Variants in GNB1 observed in about 807,000 individuals in gnomAD.
GNB1 encodes the protein guanine nucleotide-binding protein G(I)/G(S)/G(T) subunit beta-1.
Under a neutral mutation model 42.9 loss-of-function variants are expected in GNB1, and 2 were observed. That is an observed-to-expected ratio of 0.05 (90% CI 0.02 to 0.15). The LOEUF (loss-of-function observed/expected upper bound fraction) is 0.15, where lower values mean the gene tolerates loss of function less well. Ranked by LOEUF, GNB1 falls within the 10% of genes least tolerant of loss-of-function variation. The pLI, the probability that GNB1 is intolerant of heterozygous loss-of-function variation, is 1.00. For missense variants in GNB1, 193 were observed against 462.2 expected (o/e 0.42, Z 5.34); for synonymous variants, 183 against 174.7 (o/e 1.05, Z -0.38).
At chr1:1,799,243 ATG>A (rs1178878287) in intron 7 of GNB1, among the ~76,000 whole-genome samples, 1 of 152,164 alleles carries the variant, frequency 6.6e-6, no homozygotes, top group Non-Finnish European at 1.5e-5. Flanking sequence ...AAGAGGCCAA[ATG>A]TGTGTGTGTG....
intron 2 of GNB1, among the ~76,000 whole-genome samples, chr1:1,834,282 T>G (rs1647115343): frequency 6.6e-6 from 1 of 152,144 alleles, no homozygotes; most frequent in African/African-American, 2.4e-5. Context: ...CCTCTGACCC[T>G]TGGAACTCTG....
chr1:1,815,521 AT>A (rs1414821972), intron 5 of GNB1, among the ~76,000 whole-genome samples: 1 of 152,250 alleles, frequency 6.6e-6, no homozygotes, highest in Non-Finnish European at 1.5e-5. Flanking sequence ...CAGAACTTGT[AT>A]TAATGTGATT....
intron 1 of GNB1, among the ~76,000 whole-genome samples, chr1:1,867,099 T>G (rs191048614): frequency 6.6e-6 from 1 of 152,086 alleles, no homozygotes; most frequent in East Asian, 1.9e-4. Context: ...AAACCCCATC[T>G]CTATTAAAAA....
chr1:1,845,197 ATACTC>A (rs2101348009), intron 1 of GNB1, among the ~76,000 whole-genome samples: 1 of 152,366 alleles, frequency 6.6e-6, no homozygotes, highest in African/African-American at 2.4e-5. Context: ...TTAATTTAGA[ATACTC>A]TAACTGTACA....
At chr1:1,846,032 G>T (rs1647643834) in intron 1 of GNB1, among the ~76,000 whole-genome samples, 1 of 152,002 alleles carries the variant, frequency 6.6e-6, no homozygotes, top group Non-Finnish European at 1.5e-5. Context: ...GAACCCTCTT[G>T]CTATGGCAGA....
chr1:1,845,301 C>T (rs111291999), intron 1 of GNB1, among the ~76,000 whole-genome samples: 81 of 152,236 alleles, frequency 5.3e-4, no homozygotes, highest in African/African-American at 1.8e-3. Flanking sequence ...AGGCCGGGTG[C>T]GGTGGCTCAC....
chr1:1,828,812 C>T (rs1647034141), intron 2 of GNB1, among the ~76,000 whole-genome samples: 1 of 151,968 alleles, frequency 6.6e-6, no homozygotes. Flanking sequence ...GAGGTCAAGT[C>T]GGGAGGACTG....
intron 1 of GNB1, among the ~76,000 whole-genome samples, chr1:1,860,302 A>C (rs1010512243): frequency 2.0e-5 from 3 of 152,196 alleles, no homozygotes; most frequent in Non-Finnish European, 4.4e-5. Flanking sequence ...GAGGGTGGCA[A>C]GAGTTGGAAA....
At chr1:1,885,587 C>A (rs926357897) in intron 1 of GNB1, among the ~76,000 whole-genome samples, 8 of 130,334 alleles carry the variant, frequency 6.1e-5, no homozygotes, top group African/African-American at 2.3e-4. Context: ...AACGGAGTCT[C>A]GCTCAGTCAC....
chr1:1,886,779 C>A, intron 1 of GNB1, among the ~76,000 whole-genome samples: 1 of 152,206 alleles, frequency 6.6e-6, no homozygotes, highest in East Asian at 1.9e-4. Flanking sequence ...GATCTTGGCT[C>A]ACTGCAAGCT....
At chr1:1,835,306 C>G (rs1647130755) in intron 2 of GNB1, among the ~76,000 whole-genome samples, 1 of 152,194 alleles carries the variant, frequency 6.6e-6, no homozygotes, top group African/African-American at 2.4e-5. Context: ...CTCTTCTCAC[C>G]AGGTGGCCTC....
At chr1:1,819,705 ATT>A (rs34199353) in intron 3 of GNB1, among the ~76,000 whole-genome samples, 248 of 130,946 alleles carry the variant, frequency 1.9e-3, no homozygotes, top group Middle Eastern at 4.0e-3. Flanking sequence ...TGCCCGGCTA[ATT>A]TTTTTTTTTT....
At chr1:1,859,250 G>A (rs1648473884) in intron 1 of GNB1, among the ~76,000 whole-genome samples, 1 of 152,100 alleles carries the variant, frequency 6.6e-6, no homozygotes, top group African/African-American at 2.4e-5. Context: ...TCGAATTCCT[G>A]ACCTCAAGTG....
At chr1:1,846,374 C>T (rs1486018079) in intron 1 of GNB1, among the ~76,000 whole-genome samples, 1 of 152,086 alleles carries the variant, frequency 6.6e-6, no homozygotes, top group Admixed American at 6.6e-5. Flanking sequence ...CGAAACCAGC[C>T]AGGCCAACGT....
At chr1:1,806,728 C>G (rs1006111385) in intron 5 of GNB1, among the ~76,000 whole-genome samples, 190 bp from the exon 6 acceptor site, 4 of 152,184 alleles carry the variant, frequency 2.6e-5, no homozygotes, top group African/African-American at 9.6e-5. Context: ...AATCCCAGCA[C>G]TTTGGGAGGC....
chr1:1,795,742 G>T (rs955134491), intron 7 of GNB1, among the ~76,000 whole-genome samples: 5 of 100,400 alleles, frequency 5.0e-5, no homozygotes, highest in Non-Finnish European at 1.1e-4. Flanking sequence ...AACAGAGTGA[G>T]ACTCTGCCTC....
chr1:1,805,686 G>A (rs1216313226), intron 6 of GNB1, among the ~76,000 whole-genome samples: 2 of 151,458 alleles, frequency 1.3e-5, no homozygotes, highest in African/African-American at 2.4e-5. Flanking sequence ...GATTACAGGC[G>A]CCTGCCACCA....
chr1:1,848,293 C>T (rs1051492448), intron 1 of GNB1, among the ~76,000 whole-genome samples: 4 of 150,496 alleles, frequency 2.7e-5, no homozygotes, highest in East Asian at 2.0e-4. Flanking sequence ...GCAGGAAAAC[C>T]GCTTGAACCC....
At chr1:1,868,348 G>T (rs1649057778) in intron 1 of GNB1, among the ~76,000 whole-genome samples, 1 of 151,850 alleles carries the variant, frequency 6.6e-6, no homozygotes, top group Non-Finnish European at 1.5e-5. Context: ...ACTAATTTTT[G>T]TATTTTTTAG....
Sources: allele counts gnomAD v4.1 joint callset (sites outside exome capture counted in the v4.1 genomes callset), GRCh38; gene constraint gnomAD v4.1.1; transcripts MANE v1.5; gene names NCBI Gene and HGNC (gene_info 2026-07-23, HGNC 2026-07-21).